MGME1: variants seen among roughly 807,000 people sequenced by gnomAD.
MGME1 encodes mitochondrial genome maintenance exonuclease 1.
Under a neutral mutation model 33.0 loss-of-function variants are expected in MGME1, and 22 were observed. That is an observed-to-expected ratio of 0.67 (90% CI 0.48 to 0.95). The LOEUF (loss-of-function observed/expected upper bound fraction) is 0.95, where lower values mean the gene tolerates loss of function less well. MGME1 is among the 40% of genes least tolerant of loss of function. The pLI is 0.00. For synonymous variants in MGME1, 133 were observed against 144.0 expected, an observed-to-expected ratio of 0.92 and a Z score of 0.55; for missense variants, 383 against 397.8, an observed-to-expected ratio of 0.96 and a Z score of 0.32.
At chr20:17,988,041 A>AT in intron 3 of MGME1, 125 bp from the exon 4 acceptor site, 1 of 918,082 alleles carries the variant, frequency 1.1e-6, no homozygotes, top group Admixed American at 3.2e-5. Context: ...AAGGAAAAAA[A>AT]TGGTGAATAA....
Position 17,969,817 on chromosome 20 carries a change from G to C in MGME1, c.-43G>C. 6.5e-7 allele frequency: 1 copy of C among 1,547,210 alleles called. No individual in the cohort carries two copies. The highest frequency in any genetic ancestry group is 8.7e-7 in the Non-Finnish European group (1 of 1,151,850). ...CTCCAATAGGAATACAAACATAAAG[G>C]CCTTCGACCGTTGCAAATAGACTAA... On this transcript the variant is annotated 5_prime_UTR_variant, in exon 2 of 5. Transcript: ENST00000377710.
intron 3 of MGME1, among the ~76,000 whole-genome samples, chr20:17,980,515 TA>T (rs893145970): frequency 1.3e-5 from 2 of 150,470 alleles, no homozygotes; most frequent in African/African-American, 4.9e-5. Flanking sequence ...AAAAATTATT[TA>T]AAAAAAAATC....
At position 17,969,901 on chromosome 20, in the gene MGME1, G is replaced by A; in HGVS notation, c.42G>A (p.Arg14=). The A allele has an allele frequency of 6.2e-7, 1 of 1,613,648 alleles. No individual in the cohort carries two copies. The highest frequency in any genetic ancestry group is 8.5e-7 in the Non-Finnish European group (1 of 1,179,902). The change falls in exon 2 of 5, where the codon AGG becomes AGA. Residue 14 remains arginine (R), a synonymous_variant. Coordinates refer to ENST00000377710, the MANE Select transcript of MGME1 (RefSeq NM_052865.4). ...TTCAGACCATTTGCAGGCAGCTCAG[G>A]AGTTCAAAGTTTTCTGTGGAATCAG... ...KLFQTICRQL[R]SSKFSVESAA...
intron 3 of MGME1, among the ~76,000 whole-genome samples, chr20:17,983,711 A>G (rs2122590448): frequency 6.6e-6 from 1 of 152,274 alleles, no homozygotes; most frequent in Non-Finnish European, 1.5e-5. Context: ...TATTGAGCAT[A>G]TTTTCATCTA....
In MGME1 at chr20:17,975,734, TC is replaced by T. The variant is rs748628495; in HGVS notation, c.563del (p.Ser188TyrfsTer6). The T allele has an allele frequency of 9.3e-6, 15 of 1,614,120 alleles. No individual in the cohort carries two copies. In the South Asian group the frequency reaches 1.6e-4, roughly 18 times the overall value. On this transcript the variant is annotated frameshift_variant, in exon 3 of 5. Transcript: ENST00000377710. LOFTEE classifies it high-confidence loss of function. Reference sequence around the variant, plus strand: ...CCACGAAGCCTTGGAAAGCATACTTTCACCCCAGGAAACCTTAAAAGAGAGA... The same window carrying T: ...CCACGAAGCCTTGGAAAGCATACTTTACCCCAGGAAACCTTAAAAGAGAGA... The part of the protein sequence containing the change: ...RFHEALESIL[S>X]PQETLKERDE...
Sources: allele counts gnomAD v4.1 joint callset (sites outside exome capture counted in the v4.1 genomes callset), GRCh38; gene constraint gnomAD v4.1.1; transcripts MANE v1.5; gene names NCBI Gene and HGNC (gene_info 2026-07-23, HGNC 2026-07-21).